CDC42BPB: variants seen among roughly 807,000 people sequenced by gnomAD.
The protein encoded by CDC42BPB is CDC42 binding protein kinase beta.
In CDC42BPB, 37 loss-of-function variants were observed where a neutral mutation model predicts 214.9. That is an observed-to-expected ratio of 0.17 (90% CI 0.13 to 0.23). CDC42BPB has a LOEUF of 0.23. Ranked by LOEUF, CDC42BPB falls within the 10% of genes least tolerant of loss-of-function variation. The pLI, the probability that CDC42BPB is intolerant of heterozygous loss-of-function variation, is 1.00. For synonymous variants in CDC42BPB, 931 were observed against 884.0 expected (o/e 1.05, Z -0.94); for missense variants, 1,694 against 2,227.0 (o/e 0.76, Z 4.82).
At chr14:103,016,030 T>C (rs1367462820) in intron 1 of CDC42BPB, among the ~76,000 whole-genome samples, 1 of 152,068 alleles carries the variant, frequency 6.6e-6, no homozygotes, top group African/African-American at 2.4e-5. Flanking sequence ...CTGGAATTTT[T>C]AAAACTTAGA....
intron 1 of CDC42BPB, among the ~76,000 whole-genome samples, chr14:103,048,513 C>T (rs1387095308): frequency 3.1e-5 from 4 of 128,632 alleles, no homozygotes; most frequent in African/African-American, 1.2e-4. Context: ...ACGGTGAAAC[C>T]CTGTTTCTAC....
chr14:102,974,067 C>T lies in CDC42BPB; in HGVS notation c.1590G>A (p.Gly530=), dbSNP rs907762979. ...EREDSTQRLR[G]LEKQHRVVRQ... Reference sequence around the variant, plus strand: ...GGACCACGCGGTGCTGCTTCTCCAGCCCCCGCAGCCGCTGCGTGGAGTCCT... The same window carrying T: ...GGACCACGCGGTGCTGCTTCTCCAGTCCCCGCAGCCGCTGCGTGGAGTCCT... Residue 530 remains glycine (G), a synonymous_variant, in exon 12 of 37, where the codon GGG becomes GGA. Coordinates refer to ENST00000361246, the MANE Select transcript of CDC42BPB (RefSeq NM_006035.4). 71 of 1,613,632 alleles carry T rather than the reference C, an allele frequency of 4.4e-5. No homozygotes were observed. Among genetic ancestry groups the T allele is most frequent in the Non-Finnish European group, 5.1e-5 (60 of 1,179,804 alleles).
At position 103,057,188 on chromosome 14, in the gene CDC42BPB, C is replaced by A. The variant is rs748875834; in HGVS notation, c.-15G>T. 29 of 1,372,134 alleles carry A rather than the reference C, an allele frequency of 2.1e-5. No homozygotes were observed. In the East Asian group the frequency reaches 9.0e-4, roughly 43 times the overall value. The allele number at this position is 1,372,134 out of a possible 1,614,324, so 85.0% of individuals were successfully genotyped here. A position where few individuals can be genotyped will look rare whatever the true frequency, so the allele number is the denominator to read the frequency against. ...TTGGCCGACATGGTGCCGCGCGGCC[C>A]GCTCCCGACGCGCCGGCCTCTCACC... On this transcript the variant is annotated 5_prime_UTR_variant, in exon 1 of 37. Coordinates refer to ENST00000361246, the MANE Select transcript of CDC42BPB (RefSeq NM_006035.4).
chr14:103,041,893 C>G (rs1888021667), intron 1 of CDC42BPB: 1 of 420,508 alleles, frequency 2.4e-6, no homozygotes, highest in Admixed American at 3.0e-5. Context: ...TGCTGAAGAA[C>G]TGAAACTGGC....
At chr14:102,948,904 C>T (rs1181688404) in intron 26 of CDC42BPB, among the ~76,000 whole-genome samples, 1 of 151,756 alleles carries the variant, frequency 6.6e-6, no homozygotes, top group African/African-American at 2.4e-5. Flanking sequence ...GCGGGTGCCC[C>T]GGGGGAAGGG....
At chr14:102,998,890 CA>C (rs1442360679) in intron 5 of CDC42BPB, among the ~76,000 whole-genome samples, 1 of 151,972 alleles carries the variant, frequency 6.6e-6, no homozygotes, top group Non-Finnish European at 1.5e-5. Flanking sequence ...ACGTGAGCCC[CA>C]GGGAGCACAG....
At chr14:103,041,419 C>T (rs900794946) in intron 1 of CDC42BPB, 1 of 730,300 alleles carries the variant, frequency 1.4e-6, no homozygotes, top group African/African-American at 1.8e-5. Context: ...AAAAAAACAA[C>T]AAAAAATATT....
chr14:102,972,980 T>C (rs544254592), intron 12 of CDC42BPB, among the ~76,000 whole-genome samples: 16 of 152,320 alleles, frequency 1.1e-4, no homozygotes, highest in Admixed American at 2.6e-4. Context: ...CAATGCAGAC[T>C]GATGTGCGGA....
intron 1 of CDC42BPB, among the ~76,000 whole-genome samples, chr14:103,046,413 A>G (rs934739510): frequency 6.6e-6 from 1 of 152,080 alleles, no homozygotes; most frequent in Non-Finnish European, 1.5e-5. Context: ...ATTCATAACC[A>G]TGGAAAGACA....
At chr14:102,954,900 G>C (rs1402782069) in intron 21 of CDC42BPB, 24 of 687,834 alleles carry the variant, frequency 3.5e-5, no homozygotes, top group Non-Finnish European at 4.3e-5. Context: ...CCCTGCACTT[G>C]GCTTCCTCAG....
intron 26 of CDC42BPB, among the ~76,000 whole-genome samples, chr14:102,949,534 A>C (rs980691965): frequency 1.3e-5 from 2 of 152,134 alleles, no homozygotes; most frequent in African/African-American, 2.4e-5. Context: ...CGAGGCAGGA[A>C]GCGTCTACAG....
At chr14:103,044,611 C>T (rs1415847272) in intron 1 of CDC42BPB, among the ~76,000 whole-genome samples, 3 of 151,936 alleles carry the variant, frequency 2.0e-5, no homozygotes, top group African/African-American at 4.8e-5. Context: ...CCTCATGATC[C>T]GCCAGCCTCA....
Position 102,974,080 on chromosome 14 carries a change from T to C in CDC42BPB, c.1577A>G (p.Gln526Arg), listed in dbSNP as rs1323795391. The change falls in exon 12 of 37, where the codon CAG (glutamine) becomes CGG (arginine). Residue 526 changes from glutamine (Q) to arginine (R), a missense_variant. By Grantham distance (43) the Gln-to-Arg change is conservative. Coordinates refer to ENST00000361246, the MANE Select transcript of CDC42BPB (RefSeq NM_006035.4). ...ALRQEREDST[Q>R]RLRGLEKQHR... is the part of the protein sequence containing the mutation. ...CTGCTTCTCCAGCCCCCGCAGCCGC[T>C]GCGTGGAGTCCTCACGCTCTTGGCG... is the stretch of plus-strand genomic sequence containing the variant. 1.9e-5 allele frequency: 31 copies of C among 1,613,968 alleles called. No homozygotes were observed. The highest frequency in any genetic ancestry group is 2.7e-5 in the African/African-American group (2 of 74,930).
At chr14:102,952,007 C>T (rs1464629840) in intron 24 of CDC42BPB, among the ~76,000 whole-genome samples, 1 of 152,164 alleles carries the variant, frequency 6.6e-6, no homozygotes, top group South Asian at 2.1e-4. Flanking sequence ...GCCCCCAGCA[C>T]AGCAGGGATC....
At chr14:103,006,730 T>C (rs1178468124) in intron 3 of CDC42BPB, among the ~76,000 whole-genome samples, 1 of 152,258 alleles carries the variant, frequency 6.6e-6, no homozygotes, top group Non-Finnish European at 1.5e-5. Context: ...ATATTTATTT[T>C]TATATCTCTT....
intron 1 of CDC42BPB, among the ~76,000 whole-genome samples, chr14:103,023,018 C>CTT (rs1425788115): frequency 6.9e-6 from 1 of 145,676 alleles, no homozygotes. Context: ...TTTTCCTTTT[C>CTT]TTTTTTTTTT....
chr14:102,952,790 G>A, intron 23 of CDC42BPB, 187 bp from the exon 24 acceptor site: 1 of 940,748 alleles, frequency 1.1e-6, no homozygotes, highest in Admixed American at 6.2e-5. Context: ...CCACCTACGA[G>A]CCTGAGCCAG....
intron 7 of CDC42BPB, among the ~76,000 whole-genome samples, chr14:102,981,405 A>G (rs1418694976): frequency 2.6e-5 from 4 of 152,246 alleles, no homozygotes; most frequent in Non-Finnish European, 5.9e-5. Flanking sequence ...CTAAGAGGAA[A>G]CACAACATGC....
intron 6 of CDC42BPB, among the ~76,000 whole-genome samples, chr14:102,984,648 C>T (rs1308574019): frequency 2.0e-5 from 3 of 152,032 alleles, no homozygotes; most frequent in East Asian, 3.9e-4. Flanking sequence ...GCTGAGAAAT[C>T]ATCCAAGCAG....
Sources: allele counts gnomAD v4.1 joint callset (sites outside exome capture counted in the v4.1 genomes callset), GRCh38; gene constraint gnomAD v4.1.1; transcripts MANE v1.5; gene names NCBI Gene and HGNC (gene_info 2026-07-23, HGNC 2026-07-21).